Variants in FAM13A observed in about 807,000 individuals in gnomAD.
FAM13A encodes family with sequence similarity 13 member A.
FAM13A carries 76 observed loss-of-function variants against 129.6 expected under a neutral mutation model. The observed-to-expected ratio is 0.59, with a 90% CI of 0.49 to 0.71. The LOEUF is 0.71. FAM13A is among the 30% of genes least tolerant of loss of function. The pLI, the probability that FAM13A is intolerant of heterozygous loss-of-function variation, is 0.00. For synonymous variants in FAM13A, 443 were observed against 449.9 expected (o/e 0.98, Z 0.20); for missense variants, 1,108 against 1,249.3 (o/e 0.89, Z 1.70).
At chr4:88,965,225 G>A (rs1759198057) in intron 4 of FAM13A, among the ~76,000 whole-genome samples, 1 of 152,186 alleles carries the variant, frequency 6.6e-6, no homozygotes, top group Non-Finnish European at 1.5e-5. Flanking sequence ...CACTGAGAGA[G>A]AGACATAGAA....
At position 88,743,995 on chromosome 4, in the gene FAM13A, T is replaced by C. The variant is rs73841671; in HGVS notation, c.2466+2937A>G. Among the ~76,000 whole-genome samples, 119 of 152,180 alleles carry C rather than the reference T, an allele frequency of 7.8e-4. 1 individual carries two copies. Among genetic ancestry groups the C allele is most frequent in the African/African-American group, 2.7e-3 (112 of 41,560 alleles). ...ACTGTTGCATTCTTGGCCTGTTAAT[T>C]TGAAAAATGGCAACTCTGTCTTCAT... is the stretch of plus-strand genomic sequence containing the variant. On this transcript the variant is annotated intron_variant, in intron 19 of 23. Coordinates refer to ENST00000264344, the MANE Select transcript of FAM13A (RefSeq NM_014883.4).
At chr4:89,019,245 T>C (rs1382894551) in intron 3 of FAM13A, among the ~76,000 whole-genome samples, 1 of 152,200 alleles carries the variant, frequency 6.6e-6, no homozygotes, top group Non-Finnish European at 1.5e-5. Flanking sequence ...TCCTGTTCTT[T>C]AGCATACTGC....
intron 21 of FAM13A, among the ~76,000 whole-genome samples, chr4:88,733,724 A>G (rs1434226695): frequency 6.6e-6 from 1 of 152,242 alleles, no homozygotes; most frequent in African/African-American, 2.4e-5. Context: ...TATGGCCAAT[A>G]AATGGCTGTT....
chr4:88,921,873 A>C (rs1441570802), intron 5 of FAM13A, among the ~76,000 whole-genome samples: 2 of 152,132 alleles, frequency 1.3e-5, no homozygotes, highest in African/African-American at 4.8e-5. Context: ...AAGCAAATGG[A>C]AAACAAAAAA....
intron 23 of FAM13A, among the ~76,000 whole-genome samples, chr4:88,730,534 G>T (rs1249052365): frequency 6.6e-6 from 1 of 152,082 alleles, no homozygotes; most frequent in African/African-American, 2.4e-5. Context: ...GGGATTACAG[G>T]CCTGTGCTAC....
chr4:89,041,647 A>G (rs1029350374), intron 1 of FAM13A, among the ~76,000 whole-genome samples: 2 of 152,134 alleles, frequency 1.3e-5, no homozygotes, highest in Admixed American at 6.5e-5. Context: ...CAGGCCGGGC[A>G]CGGTGGCTCA....
At chr4:88,952,588 C>A (rs184478255) in intron 4 of FAM13A, among the ~76,000 whole-genome samples, 68 of 152,258 alleles carry the variant, frequency 4.5e-4, no homozygotes, top group Middle Eastern at 3.4e-3. Context: ...TTCTGTACTA[C>A]GTATAGGTAC....
At chr4:88,842,250 A>G (rs774021893) in intron 7 of FAM13A, among the ~76,000 whole-genome samples, 3 of 152,234 alleles carry the variant, frequency 2.0e-5, no homozygotes, top group Non-Finnish European at 4.4e-5. Context: ...GACTATTGAC[A>G]AAGTGGGAGA....
intron 23 of FAM13A, 177 bp from the exon 24 acceptor site, chr4:88,728,836 T>A: frequency 1.6e-6 from 1 of 618,656 alleles, no homozygotes; most frequent in East Asian, 3.0e-5. Context: ...GTAATGAAAA[T>A]GTTTCACCCA....
intron 1 of FAM13A, among the ~76,000 whole-genome samples, chr4:89,056,473 C>A (rs538341371): frequency 6.6e-6 from 1 of 152,216 alleles, no homozygotes; most frequent in Middle Eastern, 3.4e-3. Context: ...AGCAATCATG[C>A]TGAAACAGAA....
At chr4:88,869,603 G>A (rs1479161266) in intron 6 of FAM13A, among the ~76,000 whole-genome samples, 1 of 152,174 alleles carries the variant, frequency 6.6e-6, no homozygotes, top group Non-Finnish European at 1.5e-5. Context: ...TACTCTCAGG[G>A]CACTTTATTT....
At chr4:88,976,371 A>G (rs16996144) in intron 4 of FAM13A, among the ~76,000 whole-genome samples, 78,836 of 151,920 alleles carry the variant, frequency 0.52, 20,560 homozygotes, top group Middle Eastern at 0.62. Flanking sequence ...GCAACGTTCA[A>G]CAACTAAGGC....
At chr4:88,731,609 G>A (rs2149391004) in intron 22 of FAM13A, 181 bp from the exon 23 acceptor site, 1 of 555,706 alleles carries the variant, frequency 1.8e-6, no homozygotes, top group Non-Finnish European at 3.2e-6. Flanking sequence ...AAACATGCTG[G>A]CAACAGATCC....
At chr4:88,737,315 C>G (rs1355364896) in intron 21 of FAM13A, among the ~76,000 whole-genome samples, 157 bp downstream of exon 21, 3 of 152,108 alleles carry the variant, frequency 2.0e-5, no homozygotes, top group African/African-American at 2.4e-5. Context: ...AGGAACTGTT[C>G]AAAGTTGGTT....
chr4:88,827,485 G>C (rs1344690180), intron 7 of FAM13A, among the ~76,000 whole-genome samples: 1 of 152,180 alleles, frequency 6.6e-6, no homozygotes, highest in East Asian at 1.9e-4. Flanking sequence ...ATATAGAATA[G>C]TGCCTGGCAA....
intron 7 of FAM13A, chr4:88,823,125 G>A (rs1305919963): frequency 4.6e-6 from 7 of 1,516,918 alleles, no homozygotes; most frequent in East Asian, 4.7e-5. Flanking sequence ...AGGCTGCACC[G>A]CACGGCTGGA....
intron 3 of FAM13A, among the ~76,000 whole-genome samples, chr4:88,993,098 G>C (rs1279137574): frequency 6.6e-6 from 1 of 152,146 alleles, no homozygotes; most frequent in Non-Finnish European, 1.5e-5. Flanking sequence ...GTCATTTCTG[G>C]GGTGAGGAAC....
intron 8 of FAM13A, among the ~76,000 whole-genome samples, chr4:88,801,780 A>G (rs1284250050): frequency 2.6e-5 from 4 of 152,160 alleles, no homozygotes; most frequent in African/African-American, 7.2e-5. Context: ...ATGAAATGGG[A>G]TAAGGATGGG....
At chr4:88,848,356 C>T (rs191320293) in intron 7 of FAM13A, among the ~76,000 whole-genome samples, 1 of 152,338 alleles carries the variant, frequency 6.6e-6, no homozygotes, top group East Asian at 1.9e-4. Context: ...TCTATTACCT[C>T]CTGGCTTGCA....
Sources: allele counts gnomAD v4.1 joint callset (sites outside exome capture counted in the v4.1 genomes callset), GRCh38; gene constraint gnomAD v4.1.1; transcripts MANE v1.5; gene names NCBI Gene and HGNC (gene_info 2026-07-23, HGNC 2026-07-21).